Variants in IQUB observed in about 807,000 individuals in gnomAD.
The protein encoded by IQUB is IQ motif and ubiquitin domain containing, also known as IQ motif and ubiquitin-like domain-containing protein.
IQUB carries 86 observed loss-of-function variants against 86.4 expected under a neutral mutation model. That is an observed-to-expected ratio of 1.00 (90% CI 0.84 to 1.19). IQUB has a LOEUF of 1.19. Ranked by LOEUF, IQUB falls within the 50% of genes most tolerant of loss-of-function variation. The probability of loss-of-function intolerance (pLI) is 0.00; values close to 1 mark genes in which losing one functional copy is unlikely to be tolerated. For synonymous variants in IQUB, 289 were observed against 304.5 expected (o/e 0.95, Z 0.53); for missense variants, 946 against 916.9 (o/e 1.03, Z -0.41).
Position 123,534,563 on chromosome 7 carries a change from C to G in IQUB, c.-76G>C, listed in dbSNP as rs1017606594. 7 of 153,666 alleles carry G rather than the reference C, an allele frequency of 4.6e-5. No homozygotes were observed. The highest frequency in any genetic ancestry group is 1.7e-4 in the African/African-American group (7 of 41,434). The allele number at this position is 153,666 out of a possible 1,614,324, so 9.5% of individuals were successfully genotyped here. On this transcript the variant is annotated 5_prime_UTR_variant, in exon 1 of 13. Coordinates refer to ENST00000324698, the MANE Select transcript of IQUB (RefSeq NM_178827.5). ...CCTAAGACGCAGCTTCCATACTCGC[C>G]GCGTTCTCAGCTGTTGGTCGTATCC... is the stretch of plus-strand genomic sequence containing the variant.
chr7:123,500,916 G>T (rs1195246520), intron 6 of IQUB: 2 of 150,970 alleles, frequency 1.3e-5, no homozygotes, highest in South Asian at 2.1e-4. Context: ...TCATTTTTTG[G>T]AGTTTGGAAA....
At chr7:123,515,932 T>A (rs1796616029) in intron 1 of IQUB, among the ~76,000 whole-genome samples, 1 of 152,134 alleles carries the variant, frequency 6.6e-6, no homozygotes. Flanking sequence ...TAAGAGTTGA[T>A]TACAGAAGGA....
At chr7:123,465,692 A>G (rs894131025) in intron 9 of IQUB, among the ~76,000 whole-genome samples, 5 of 152,074 alleles carry the variant, frequency 3.3e-5, no homozygotes, top group African/African-American at 1.2e-4. Context: ...CAGAAGATAA[A>G]GTCATTAATT....
At chr7:123,500,322 GA>G (rs1211732316) in intron 6 of IQUB, among the ~76,000 whole-genome samples, 2 of 150,762 alleles carry the variant, frequency 1.3e-5, no homozygotes, top group South Asian at 4.2e-4. Flanking sequence ...ATAACCACTA[GA>G]AAAAACAAAA....
At chr7:123,524,495 GCTCT>G (rs1279660976) in intron 1 of IQUB, among the ~76,000 whole-genome samples, 1 of 148,712 alleles carries the variant, frequency 6.7e-6, no homozygotes, top group Non-Finnish European at 1.5e-5. Context: ...TCATGATTTG[GCTCT>G]CTGTCTGTTG....
Position 123,461,602 on chromosome 7 carries a change from G to T in IQUB, c.1762C>A (p.Pro588Thr). The stretch of plus-strand genomic sequence containing the variant: ...TTATAAAATTTCAATGGGTCTTGAG[G>T]GACCTAAATAAATAGTAAAAAAAGA... ...NPEVAKYLKV[P>T]QDPLKFYKKI... The change falls in exon 11 of 13, where the codon CCT (proline) becomes ACT (threonine). Residue 588 changes from proline to threonine, a missense_variant. Coordinates refer to ENST00000324698, the MANE Select transcript of IQUB (RefSeq NM_178827.5). The T allele has an allele frequency of 6.3e-7, 1 of 1,588,308 alleles. No individual in the cohort carries two copies. Among genetic ancestry groups the T allele is most frequent in the African/African-American group, 1.4e-5 (1 of 73,042 alleles).
At chr7:123,453,398 T>G (rs1793538389) in intron 12 of IQUB, among the ~76,000 whole-genome samples, 3 of 148,378 alleles carry the variant, frequency 2.0e-5, no homozygotes, top group Non-Finnish European at 4.5e-5. Context: ...TAACTAAATA[T>G]CTTCCAAGAT....
chr7:123,501,752 C>G (rs1795955013), intron 6 of IQUB: 1 of 152,116 alleles, frequency 6.6e-6, no homozygotes, highest in Non-Finnish European at 1.5e-5. Context: ...TAATGTTGGC[C>G]CATTTATACA....
At chr7:123,519,375 C>A (rs1332613522) in intron 1 of IQUB, among the ~76,000 whole-genome samples, 1 of 152,156 alleles carries the variant, frequency 6.6e-6, no homozygotes, top group African/African-American at 2.4e-5. Context: ...TACTACAGCA[C>A]TATCCACAAT....
At chr7:123,467,541 T>C (rs773524624) in intron 9 of IQUB, among the ~76,000 whole-genome samples, 23 of 152,182 alleles carry the variant, frequency 1.5e-4, no homozygotes, top group Non-Finnish European at 2.8e-4. Flanking sequence ...TGTGAGAGTC[T>C]GGGGTATGTG....
intron 9 of IQUB, among the ~76,000 whole-genome samples, chr7:123,468,825 G>A (rs927706729): frequency 5.3e-5 from 8 of 152,086 alleles, no homozygotes; most frequent in Admixed American, 2.6e-4. Flanking sequence ...TTCATTAAAA[G>A]TAGGATTAAG....
rs558871286 is a variant in IQUB, at chr7:123,527,756, T to C, written c.-5+6736A>G. On this transcript the variant is annotated intron_variant, in intron 1 of 12. Coordinates refer to ENST00000324698, the MANE Select transcript of IQUB (RefSeq NM_178827.5). ...GGACATTTAAGTCTGCAGAGTTTAC[T>C]GCTGTCTTTTTGTTTGTCTGTGCCC... 7.3e-3 allele frequency among the ~76,000 whole-genome samples: 1,116 copies of C among 152,272 alleles called. 17 individuals carry two copies. Among genetic ancestry groups the C allele is most frequent in the African/African-American group, 0.025 (1,060 of 41,574 alleles).
intron 1 of IQUB, among the ~76,000 whole-genome samples, chr7:123,521,200 G>C (rs2117319639): frequency 6.6e-6 from 1 of 152,258 alleles, no homozygotes; most frequent in South Asian, 2.1e-4. Flanking sequence ...ATAGGTACTG[G>C]ATAAATCCTT....
intron 1 of IQUB, among the ~76,000 whole-genome samples, chr7:123,526,676 T>C (rs1274841165): frequency 2.6e-5 from 4 of 151,560 alleles, no homozygotes; most frequent in Non-Finnish European, 4.4e-5. Flanking sequence ...TGTCTTTTAA[T>C]TGGAGCATTT....
Position 123,466,462 on chromosome 7 carries a change from C to T in IQUB, c.1582-1453G>A, listed in dbSNP as rs191582298. 6.6e-5 allele frequency among the ~76,000 whole-genome samples: 10 copies of T among 152,250 alleles called. No individual in the cohort carries two copies. In the East Asian group the frequency reaches 1.7e-3, roughly 26 times the overall value. On this transcript the variant is annotated intron_variant, in intron 9 of 12. Transcript: ENST00000324698. ...TTATTTCCTACCTCTGGACCTATTG[C>T]TTCTCCCTCCCTACCTATCTCTGTC...
intron 1 of IQUB, among the ~76,000 whole-genome samples, chr7:123,515,124 A>C (rs1405706034): frequency 6.6e-6 from 1 of 152,176 alleles, no homozygotes; most frequent in Non-Finnish European, 1.5e-5. Context: ...ACAAAAAACA[A>C]AAAACACACA....
At chr7:123,514,090 G>A (rs1796543744) in intron 1 of IQUB, among the ~76,000 whole-genome samples, 3 of 152,288 alleles carry the variant, frequency 2.0e-5, no homozygotes, top group Admixed American at 1.3e-4. Context: ...ACATTGTAAT[G>A]AAATTACAGA....
At position 123,472,498 on chromosome 7, in the gene IQUB, G is replaced by A. The variant is rs141346487; in HGVS notation, c.1411-3114C>T. On this transcript the variant is annotated intron_variant, in intron 8 of 12. Coordinates refer to ENST00000324698, the MANE Select transcript of IQUB (RefSeq NM_178827.5). ...ATTAGAAAAAAAGATGAGTACGCTTGATGACTGTAGATAAATAGGTAACTA... is the reference window on the plus strand; with the variant it reads ...ATTAGAAAAAAAGATGAGTACGCTTAATGACTGTAGATAAATAGGTAACTA... Among the ~76,000 whole-genome samples, 461 of 152,246 alleles carry A rather than the reference G, an allele frequency of 3.0e-3. 3 individuals carry two copies. Among genetic ancestry groups the A allele is most frequent in the African/African-American group, 0.01 (433 of 41,564 alleles).
In IQUB at chr7:123,504,427, C is replaced by T. The variant is rs117241464; in HGVS notation, c.533-1064G>A. Among the ~76,000 whole-genome samples, 198 of 152,142 alleles carry T rather than the reference C, an allele frequency of 1.3e-3. 2 individuals carry two copies. Among genetic ancestry groups the T allele is most frequent in the East Asian group, 0.013 (67 of 5,172 alleles). On this transcript the variant is annotated intron_variant, in intron 3 of 12. Transcript: ENST00000324698. ...ATCACACCCTGAACTCAAGCCTGAA[C>T]GACGGAGCAAAACTCTGTCTCGAAA...
Sources: allele counts gnomAD v4.1 joint callset (sites outside exome capture counted in the v4.1 genomes callset), GRCh38; gene constraint gnomAD v4.1.1; transcripts MANE v1.5; gene names NCBI Gene and HGNC (gene_info 2026-07-23, HGNC 2026-07-21).